ZNF195: variants seen among roughly 807,000 people sequenced by gnomAD.
The protein encoded by ZNF195 is hypoxia-regulated factor-1.
In ZNF195, 11 loss-of-function variants were observed where a neutral mutation model predicts 19.5. The observed-to-expected ratio is 0.57, with a 90% confidence interval of 0.36 to 0.94. ZNF195 has a LOEUF of 0.94. ZNF195 is among the 40% of genes least tolerant of loss of function. The pLI is 0.01. For missense variants in ZNF195, 582 were observed against 709.0 expected (o/e 0.82, Z 2.03); for synonymous variants, 214 against 248.1 (o/e 0.86, Z 1.29).
chr11:3,360,637 A>G (rs181391638), intron 5 of ZNF195, 72 bp from the exon 6 acceptor site: 227 of 1,555,664 alleles, frequency 1.5e-4, no homozygotes, highest in African/African-American at 1.0e-3. Flanking sequence ...TAATCTATAA[A>G]ATAATACTGG....
chr11:3,359,948 A>G lies in ZNF195; in HGVS notation c.1060T>C (p.Cys354Arg). The change falls in exon 6 of 6, where the codon TGC becomes CGC. Residue 354 changes from cysteine to arginine, a missense_variant. Coordinates refer to ENST00000399602, the MANE Select transcript of ZNF195 (RefSeq NM_001130520.3). The surrounding 1 kb of genome is among the most constrained non-coding windows in gnomAD (Gnocchi z 5.5). ...ACACTGCTGCACTCTTCATATTTGC[A>G]GGGTTTTTCCTCAGTACCATGCTCA... Reference protein sequence around the residue: ...EHEHGTEEKPCKYEECSSVFI... With the variant: ...EHEHGTEEKPRKYEECSSVFI... 1 of 1,614,212 alleles carries G rather than the reference A, an allele frequency of 6.2e-7. No individual in the cohort carries two copies. Among genetic ancestry groups the G allele is most frequent in the East Asian group, 2.2e-5 (1 of 44,892 alleles).
In ZNF195 at chr11:3,367,086, T is replaced by G. The variant is rs1447616308; in HGVS notation, c.226+3889A>C. 1.8e-5 allele frequency: 4 copies of G among 218,222 alleles called. 1 individual carries two copies. The highest frequency in any genetic ancestry group is 6.3e-5 in the African/African-American group (2 of 31,722). The allele number at this position is 218,222 out of a possible 1,614,324, so 13.5% of individuals were successfully genotyped here. A position where few individuals can be genotyped will look rare whatever the true frequency, so the allele number is the denominator to read the frequency against. ...TGTAAAAAAAAAAAAAAAAGCATAA[T>G]TTTCTTAAAAAAATTAAAAATGGAA... On this transcript the variant is annotated intron_variant, in intron 3 of 5. Coordinates refer to ENST00000399602, the MANE Select transcript of ZNF195 (RefSeq NM_001130520.3).
intron 1 of ZNF195, among the ~76,000 whole-genome samples, chr11:3,372,402 A>G (rs1441394335): frequency 6.6e-6 from 1 of 152,262 alleles, no homozygotes; most frequent in South Asian, 2.1e-4. Context: ...CAACTGAATA[A>G]AACTAATATC....
chr11:3,379,084 C>T lies in ZNF195; in HGVS notation c.-44G>A. On this transcript the variant is annotated 5_prime_UTR_variant, in exon 1 of 6. Transcript: ENST00000399602. The stretch of plus-strand genomic sequence containing the variant: ...CCTGGCGTTTCACTTCTGGATCTCC[C>T]GGTGCCTGCGGGTCACACGACCTAC... 6.7e-7 allele frequency: 1 copy of T among 1,489,568 alleles called. No individual in the cohort carries two copies. The allele number at this position is 1,489,568 out of a possible 1,614,324, so 92.3% of individuals were successfully genotyped here. A position where few individuals can be genotyped will look rare whatever the true frequency, so the allele number is the denominator to read the frequency against.
Position 3,360,113 on chromosome 11 carries a change from G to C in ZNF195, c.895C>G (p.Pro299Ala). The C allele has an allele frequency of 1.2e-6, 2 of 1,614,092 alleles. No individual in the cohort carries two copies. Among genetic ancestry groups the C allele is most frequent in the Non-Finnish European group, 1.7e-6 (2 of 1,180,014 alleles). Reference protein sequence around the residue: ...EPENIDTGEKPYKCQECNNVI... With the variant: ...EPENIDTGEKAYKCQECNNVI... Reference sequence around the variant, plus strand: ...TTGTTACATTCTTGACACTTGTAAGGTTTCTCTCCAGTGTCAATGTTCTCA... The same window carrying C: ...TTGTTACATTCTTGACACTTGTAAGCTTTCTCTCCAGTGTCAATGTTCTCA... The change falls in exon 6 of 6, where the codon CCT becomes GCT. Residue 299 changes from proline to alanine, a missense_variant. Pro to Ala is a conservative substitution (Grantham distance 27). This residue lies in a region of ZNF195 where 407 missense variants were observed against 530.5 expected (regional missense o/e 0.77). Transcript: ENST00000399602.
In ZNF195 at chr11:3,359,417, A is replaced by G; in HGVS notation, c.1591T>C (p.Phe531Leu). 6.2e-7 allele frequency: 1 copy of G among 1,614,150 alleles called. No individual in the cohort carries two copies. Among genetic ancestry groups the G allele is most frequent in the Non-Finnish European group, 8.5e-7 (1 of 1,180,036 alleles). ...ACAATAAGGTTGGAGGACTGGGTAAAGTTTTTTCCACATTCGTCACATTTG... is the reference window on the plus strand; with the variant it reads ...ACAATAAGGTTGGAGGACTGGGTAAGGTTTTTTCCACATTCGTCACATTTG... ...PYKCDECGKN[F>L]TQSSNLIVHK... The change falls in exon 6 of 6, where the codon TTT becomes CTT. Residue 531 changes from phenylalanine to leucine, a missense_variant. This residue lies in a region of ZNF195 where 407 missense variants were observed against 530.5 expected (regional missense o/e 0.77). Coordinates refer to ENST00000399602, the MANE Select transcript of ZNF195 (RefSeq NM_001130520.3). This position sits in a 1 kb window ranked among gnomAD's most constrained non-coding sequence, Gnocchi z 5.5.
chr11:3,366,054 G>A (rs887275319), intron 3 of ZNF195, among the ~76,000 whole-genome samples: 69 of 151,678 alleles, frequency 4.5e-4, no homozygotes, highest in Non-Finnish European at 6.6e-4. Flanking sequence ...TCAGGAGATC[G>A]AGACCATCCT....
At chr11:3,367,101 T>G in intron 3 of ZNF195, 1 of 321,664 alleles carries the variant, frequency 3.1e-6, no homozygotes, top group Non-Finnish European at 6.2e-6. Flanking sequence ...TTAAAAAAAT[T>G]AAAAATGGAA....
Position 3,379,133 on chromosome 11 carries a change from CG to C in ZNF195, c.-94del. On this transcript the variant is annotated 5_prime_UTR_variant, in exon 1 of 6. Coordinates refer to ENST00000399602, the MANE Select transcript of ZNF195 (RefSeq NM_001130520.3). ...ACGGCTAGCAGGGGACACAGAGCCG[CG>C]GGGACAGGAAGTGGAGCTCTGTCGG... 1 of 1,388,008 alleles carries C rather than the reference CG, an allele frequency of 7.2e-7. No homozygotes were observed. The highest frequency in any genetic ancestry group is 9.5e-7 in the Non-Finnish European group (1 of 1,057,674). The allele number at this position is 1,388,008 out of a possible 1,614,324, so 86.0% of individuals were successfully genotyped here. A position where few individuals can be genotyped will look rare whatever the true frequency, so the allele number is the denominator to read the frequency against.
chr11:3,369,153 A>G (rs1589812070), intron 3 of ZNF195: 1 of 255,018 alleles, frequency 3.9e-6, no homozygotes, highest in Non-Finnish European at 7.9e-6. Flanking sequence ...AATAAGTAAC[A>G]TATTAGGGCT....
chr11:3,363,251 C>G (rs772254449), intron 3 of ZNF195: 14 of 152,090 alleles, frequency 9.2e-5, no homozygotes, highest in Non-Finnish European at 4.4e-5. Flanking sequence ...AATGATAAAG[C>G]AAGACTTAAT....
At chr11:3,370,453 C>T (rs951726203) in intron 3 of ZNF195, among the ~76,000 whole-genome samples, 2 of 152,138 alleles carry the variant, frequency 1.3e-5, no homozygotes, top group Non-Finnish European at 2.9e-5. Context: ...GCCTAGTGTT[C>T]GGAGAAAACT....
rs1848478096 is a variant in ZNF195 at position 3,358,408 on chromosome 11, C to T, written c.*710G>A. Reference sequence around the variant, plus strand: ...AGAGCCTCTCTACCAAGATTTTACTCACGCATCTTACATTTCAGTGTCTTT... The same window carrying T: ...AGAGCCTCTCTACCAAGATTTTACTTACGCATCTTACATTTCAGTGTCTTT... On this transcript the variant is annotated 3_prime_UTR_variant, in exon 6 of 6. Transcript: ENST00000399602. 6.6e-6 allele frequency: 1 copy of T among 152,172 alleles called. No homozygotes were observed. Among genetic ancestry groups the T allele is most frequent in the Admixed American group, 6.5e-5 (1 of 15,282 alleles). The allele number at this position is 152,172 out of a possible 1,614,324, so 9.4% of individuals were successfully genotyped here.
chr11:3,365,759 A>G (rs758699544), intron 3 of ZNF195, among the ~76,000 whole-genome samples: 31 of 152,372 alleles, frequency 2.0e-4, no homozygotes, highest in Non-Finnish European at 4.0e-4. Context: ...ACACAAAGAC[A>G]GATAACTAAA....
intron 3 of ZNF195, among the ~76,000 whole-genome samples, chr11:3,370,378 A>G (rs971724043): frequency 3.3e-5 from 5 of 152,196 alleles, no homozygotes; most frequent in South Asian, 2.1e-4. Flanking sequence ...CTCAGCTCAT[A>G]CTAAAAAAAA....
chr11:3,370,871 T>C, intron 3 of ZNF195, 104 bp downstream of exon 3: 3 of 1,106,676 alleles, frequency 2.7e-6, no homozygotes, highest in Non-Finnish European at 4.0e-6. Flanking sequence ...TCAGAAACCA[T>C]CTCCACTAGG....
At chr11:3,378,984 C>T in intron 1 of ZNF195, 54 bp downstream of exon 1, 3 of 1,375,196 alleles carry the variant, frequency 2.2e-6, no homozygotes, top group East Asian at 2.9e-5. Flanking sequence ...GCCGGTACCG[C>T]GGGTTCCAGT....
chr11:3,365,772 A>G (rs984189321), intron 3 of ZNF195, among the ~76,000 whole-genome samples: 2 of 152,258 alleles, frequency 1.3e-5, no homozygotes, highest in East Asian at 3.8e-4. Context: ...TAACTAAATG[A>G]TGAAACAAAG....
intron 1 of ZNF195, among the ~76,000 whole-genome samples, chr11:3,374,361 G>A (rs1297263718): frequency 6.6e-6 from 1 of 152,184 alleles, no homozygotes; most frequent in Non-Finnish European, 1.5e-5. Flanking sequence ...CCCCAGCACA[G>A]TCCCTTACAC....
Sources: allele counts gnomAD v4.1 joint callset (sites outside exome capture counted in the v4.1 genomes callset), GRCh38; gene constraint gnomAD v4.1.1; regional missense constraint gnomAD v4.1.1; non-coding constraint Gnocchi (gnomAD v3.1); transcripts MANE v1.5; gene names NCBI Gene and HGNC (gene_info 2026-07-23, HGNC 2026-07-21).